CEP83: variants seen among roughly 807,000 people sequenced by gnomAD.
CEP83 encodes centrosomal protein of 83 kDa.
A neutral mutation model predicts 101.9 loss-of-function variants in CEP83; 70 were observed. The ratio of observed to expected loss-of-function variants is 0.69; its 90% CI spans 0.57 to 0.84. The LOEUF (loss-of-function observed/expected upper bound fraction) is 0.84, where lower values mean the gene tolerates loss of function less well. Among genes scored for constraint, CEP83 ranks in the 40% least tolerant of loss-of-function variants. The pLI is 0.00. For missense variants in CEP83, 715 were observed against 787.2 expected (o/e 0.91, Z 1.10); for synonymous variants, 264 against 267.9 (o/e 0.99, Z 0.14).
intron 2 of CEP83, among the ~76,000 whole-genome samples, chr12:94,419,320 T>G (rs758419924): frequency 6.6e-6 from 1 of 152,094 alleles, no homozygotes; most frequent in African/African-American, 2.4e-5. Flanking sequence ...TGCAAACTAT[T>G]TATTATAGGA....
chr12:94,278,330 C>T, the CEP83 span, among the ~76,000 whole-genome samples: 1 of 152,208 alleles, frequency 6.6e-6, no homozygotes, highest in African/African-American at 2.4e-5. Context: ...CTTGGCTCTT[C>T]CCTGAATCAA....
chr12:94,292,004 G>T, the CEP83 span, among the ~76,000 whole-genome samples: 1 of 152,140 alleles, frequency 6.6e-6, no homozygotes, highest in African/African-American at 2.4e-5. Flanking sequence ...TTTGTGACTG[G>T]CTTCTTCGCG....
chr12:94,416,323 T>A (rs1593869368), intron 2 of CEP83, among the ~76,000 whole-genome samples: 3 of 152,198 alleles, frequency 2.0e-5, no homozygotes, highest in Admixed American at 6.5e-5. Context: ...TGACTAGCTA[T>A]GGACCTGAGA....
At position 94,453,856 on chromosome 12, in the gene CEP83, T is replaced by C. The variant is rs182322136; in HGVS notation, c.-155+5701A>G. Among the ~76,000 whole-genome samples, 6 of 152,290 alleles carry C rather than the reference T, an allele frequency of 3.9e-5. No homozygotes were observed. In the East Asian group the frequency reaches 1.2e-3, roughly 29 times the overall value. Reference sequence around the variant, plus strand: ...GCTCACACCTGTAATCCCAGCACTTTGGGAGGCCAAGGCAGGTGGGTCATA... The same window carrying C: ...GCTCACACCTGTAATCCCAGCACTTCGGGAGGCCAAGGCAGGTGGGTCATA... On this transcript the variant is annotated intron_variant, in intron 1 of 16. Coordinates refer to ENST00000397809, the MANE Select transcript of CEP83 (RefSeq NM_016122.3).
intron 11 of CEP83, among the ~76,000 whole-genome samples, chr12:94,358,414 T>A (rs529232334): frequency 6.6e-6 from 1 of 152,080 alleles, no homozygotes; most frequent in Non-Finnish European, 1.5e-5. Flanking sequence ...CGCCAAACAT[T>A]AGGGAAAAAT....
rs145169175 is a variant in CEP83 at position 94,328,074 on chromosome 12, A to G, written c.1707+3626T>C. On this transcript the variant is annotated intron_variant, in intron 14 of 16. Transcript: ENST00000397809. ...GATATTTTGCAACTTCAAGACTATG[A>G]TTCATCTCTTTTTTGAAAACATTCA... The G allele has an allele frequency of 8.8e-4, 142 of 160,934 alleles. 1 individual carries two copies. Among genetic ancestry groups the G allele is most frequent in the East Asian group, 4.8e-3 (26 of 5,376 alleles). The allele number at this position is 160,934 out of a possible 1,614,324, so 10.0% of individuals were successfully genotyped here.
chr12:94,392,205 T>C (rs546029989), intron 6 of CEP83, among the ~76,000 whole-genome samples: 11 of 152,266 alleles, frequency 7.2e-5, no homozygotes, highest in East Asian at 1.9e-4. Flanking sequence ...CAGCACCACA[T>C]TGCACTTATT....
At chr12:94,351,673 C>A (rs569930635) in intron 11 of CEP83, among the ~76,000 whole-genome samples, 3 of 152,260 alleles carry the variant, frequency 2.0e-5, no homozygotes, top group Non-Finnish European at 2.9e-5. Context: ...TAGCTGCCAG[C>A]CACTGCCAGC....
intron 14 of CEP83, among the ~76,000 whole-genome samples, chr12:94,317,980 G>A (rs1383580775): frequency 1.3e-5 from 2 of 152,142 alleles, no homozygotes; most frequent in Non-Finnish European, 2.9e-5. Flanking sequence ...TAGTGTGATA[G>A]AAATAGCACT....
chr12:94,427,931 G>C (rs999111341), intron 2 of CEP83, among the ~76,000 whole-genome samples: 4 of 152,196 alleles, frequency 2.6e-5, no homozygotes, highest in Admixed American at 2.6e-4. Context: ...GCCAGAACCT[G>C]AAGTGCAGCT....
At chr12:94,339,189 C>G (rs1463141467) in intron 11 of CEP83, among the ~76,000 whole-genome samples, 2 of 152,182 alleles carry the variant, frequency 1.3e-5, no homozygotes, top group African/African-American at 2.4e-5. Flanking sequence ...TGGTCTTGAA[C>G]TCCCGACCTC....
chr12:94,270,467 TCCCACAAA>T, the CEP83 span, among the ~76,000 whole-genome samples: 12 of 152,092 alleles, frequency 7.9e-5, no homozygotes, highest in Non-Finnish European at 1.3e-4. Context: ...GAATCCTCCC[TCCCACAAA>T]CCCACAAACA....
At chr12:94,305,606 A>G (rs1055966571), downstream of CEP83, 1 of 232,902 alleles carries the variant, frequency 4.3e-6, no homozygotes, top group African/African-American at 2.3e-5. Context: ...CAATGATATA[A>G]GTGGTTTTGT....
rs114797552 is a variant in CEP83, at chr12:94,315,399, T to C, written c.1708-2382A>G. ...ATATCCCTTCTTTGTGACGTGTCCATCCTAGTCTTTTGTCCATTAAAACTT... is the reference window on the plus strand; with the variant it reads ...ATATCCCTTCTTTGTGACGTGTCCACCCTAGTCTTTTGTCCATTAAAACTT... On this transcript the variant is annotated intron_variant, in intron 14 of 16. Transcript: ENST00000397809. Among the ~76,000 whole-genome samples the C allele has an allele frequency of 1.3e-3, 202 of 152,246 alleles. 1 individual carries two copies. The highest frequency in any genetic ancestry group is 4.7e-3 in the African/African-American group (194 of 41,548).
chr12:94,276,857 C>G, the CEP83 span: 2 of 152,156 alleles, frequency 1.3e-5, no homozygotes, highest in Non-Finnish European at 2.9e-5. Context: ...CATAAAGGTT[C>G]TCTGAGAGCA....
At chr12:94,358,760 T>A (rs917149671) in intron 11 of CEP83, among the ~76,000 whole-genome samples, 1 of 152,220 alleles carries the variant, frequency 6.6e-6, no homozygotes, top group African/African-American at 2.4e-5. Flanking sequence ...AAGAAGTAGC[T>A]CACCATGACA....
intron 4 of CEP83, among the ~76,000 whole-genome samples, chr12:94,410,058 A>T (rs1402317934): frequency 6.6e-6 from 1 of 152,210 alleles, no homozygotes; most frequent in African/African-American, 2.4e-5. Flanking sequence ...GATGATTACC[A>T]ACTCTAAGAT....
intron 2 of CEP83, among the ~76,000 whole-genome samples, chr12:94,414,930 TTAAGATTGC>T (rs1394347591): frequency 6.6e-6 from 1 of 152,120 alleles, no homozygotes; most frequent in Non-Finnish European, 1.5e-5. Flanking sequence ...TAACTAAAAA[TTAAGATTGC>T]TAAGAGTTAA....
At chr12:94,372,252 G>A (rs536554297) in intron 8 of CEP83, among the ~76,000 whole-genome samples, 7 of 152,148 alleles carry the variant, frequency 4.6e-5, no homozygotes, top group South Asian at 4.1e-4. Context: ...GATTACAGGC[G>A]TTAAGCCACC....
Sources: allele counts gnomAD v4.1 joint callset (sites outside exome capture counted in the v4.1 genomes callset), GRCh38; gene constraint gnomAD v4.1.1; transcripts MANE v1.5; gene names NCBI Gene and HGNC (gene_info 2026-07-23, HGNC 2026-07-21).